The following AP3D1 variants were observed in gnomAD, a reference collection of about 807,000 sequenced individuals.
AP3D1 encodes the protein adaptor related protein complex 3 subunit delta 1, also known as AP-3 complex subunit delta-1.
Under a neutral mutation model 147.6 loss-of-function variants are expected in AP3D1, and 51 were observed. The observed-to-expected ratio is 0.35, with a 90% CI of 0.28 to 0.44. The LOEUF is 0.44. Among genes scored for constraint, AP3D1 ranks in the 20% least tolerant of loss-of-function variants. AP3D1 has a pLI of 1.00. For missense variants in AP3D1, 1,421 were observed against 1,624.2 expected (o/e 0.87, Z 2.15); for synonymous variants, 760 against 663.0 (o/e 1.15, Z -2.25).
chr19:2,103,607 G>A lies in AP3D1; in HGVS notation c.3553-1339C>T, dbSNP rs1002414980. ...GGCACTGAGTCCAGAGGCCGCTGCCGGGTCCCAAGGCCAGGGACAAGAGGC... is the reference window on the plus strand; with the variant it reads ...GGCACTGAGTCCAGAGGCCGCTGCCAGGTCCCAAGGCCAGGGACAAGAGGC... On this transcript the variant is annotated intron_variant, in intron 31 of 31. Transcript: ENST00000643116. 5.9e-5 allele frequency among the ~76,000 whole-genome samples: 9 copies of A among 152,160 alleles called. No homozygotes were observed. The East Asian group carries it at 9.6e-4, about 16-fold the overall frequency.
At chr19:2,158,345 C>T (rs140889802) in intron 1 of AP3D1, among the ~76,000 whole-genome samples, 49 of 150,238 alleles carry the variant, frequency 3.3e-4, no homozygotes, top group African/African-American at 1.1e-3. Context: ...CATGAGCCAA[C>T]GTGCTCGACC....
intron 4 of AP3D1, among the ~76,000 whole-genome samples, chr19:2,135,961 T>A (rs949688029): frequency 6.9e-6 from 1 of 145,244 alleles, no homozygotes; most frequent in Non-Finnish European, 1.5e-5. Context: ...AGGCCCCACC[T>A]GCTACACGGC....
intron 9 of AP3D1, among the ~76,000 whole-genome samples, chr19:2,126,514 C>T (rs187761894): frequency 6.6e-6 from 1 of 151,822 alleles, no homozygotes; most frequent in African/African-American, 2.4e-5. Flanking sequence ...ATTAGCCAGG[C>T]GTGGTGGCGG....
rs778906967 is a variant in AP3D1 at position 2,116,733 on chromosome 19, C to A, written c.1873G>T (p.Ala625Ser). ...TCCGAGAGTGGCTCATTGATCCAGG[C>A]GTCCAGGTCCAGGCTGCACCGGACA... The part of the protein sequence containing the change: ...VPVPEGLDLD[A>S]WINEPLSDSE... Residue 625 changes from alanine to serine, a missense_variant, in exon 17 of 32, where the codon GCC becomes TCC. By Grantham distance (99) the Ala-to-Ser change is moderately conservative. Coordinates refer to ENST00000643116, the MANE Select transcript of AP3D1 (RefSeq NM_001261826.3). 15 of 1,610,272 alleles carry A rather than the reference C, an allele frequency of 9.3e-6. No homozygotes were observed. The highest frequency in any genetic ancestry group is 8.8e-5 in the South Asian group (8 of 90,556).
intron 1 of AP3D1, 37 bp downstream of exon 1, chr19:2,151,202 G>C (rs915697392): frequency 4.4e-6 from 7 of 1,586,354 alleles, no homozygotes; most frequent in Non-Finnish European, 6.0e-6. Context: ...CCGGGGCTGT[G>C]ACCAGGCCGA....
intron 1 of AP3D1, among the ~76,000 whole-genome samples, chr19:2,144,590 G>C (rs2019309177): frequency 6.6e-6 from 1 of 152,100 alleles, no homozygotes; most frequent in Admixed American, 6.6e-5. Context: ...GATGTCTGTG[G>C]GGTGGCACGG....
chr19:2,102,733 AAATAAAT>A (rs1367088161), intron 31 of AP3D1, among the ~76,000 whole-genome samples: 3 of 880 alleles, frequency 3.4e-3, no homozygotes, highest in Admixed American at 0.017. Context: ...CTCAAAAAAT[AAATAAAT>A]AAATAAATAA....
chr19:2,113,385 G>A lies in AP3D1; in HGVS notation c.2630C>T (p.Thr877Ile). Reference protein sequence around the residue: ...KAEDLDFWLSTTPPPAPAPAP... With the variant: ...KAEDLDFWLSITPPPAPAPAP... ...GGGGGCGGGGGCAGGCGGTGGGGTG[G>A]TAGACAGCCAGAAGTCCAGGTCCTC... Residue 877 changes from threonine (T) to isoleucine (I), a missense_variant, in exon 23 of 32, where the codon ACC becomes ATC. Coordinates refer to ENST00000643116, the MANE Select transcript of AP3D1 (RefSeq NM_001261826.3). 1 of 1,472,622 alleles carries A rather than the reference G, an allele frequency of 6.8e-7. No homozygotes were observed. Among genetic ancestry groups the A allele is most frequent in the Non-Finnish European group, 9.0e-7 (1 of 1,115,560 alleles). 91.2% of individuals were successfully genotyped at this position (1,472,622 alleles called of 1,614,324 possible).
upstream of AP3D1, among the ~76,000 whole-genome samples, chr19:2,155,627 T>C (rs1325779390): frequency 7.9e-5 from 12 of 152,110 alleles, no homozygotes; most frequent in Admixed American, 7.2e-4. Flanking sequence ...ACACTGTGTT[T>C]TCTACCTAGC....
chr19:2,141,970 A>G (rs1599489742), intron 1 of AP3D1, among the ~76,000 whole-genome samples: 1 of 149,788 alleles, frequency 6.7e-6, no homozygotes, highest in East Asian at 1.9e-4. Flanking sequence ...ATTTATGTAT[A>G]TACTTGTTTA....
chr19:2,116,369 T>C, intron 17 of AP3D1, 91 bp from the exon 18 acceptor site: 1 of 1,406,380 alleles, frequency 7.1e-7, no homozygotes, highest in Non-Finnish European at 9.6e-7. Flanking sequence ...TGGGGAAGGC[T>C]GGATCTCTGG....
intron 29 of AP3D1, 147 bp from the exon 30 acceptor site, chr19:2,109,354 G>A: frequency 1.8e-6 from 2 of 1,112,390 alleles, no homozygotes; most frequent in South Asian, 1.7e-5. Context: ...CCTGGAAGGT[G>A]TGGCTCATTT....
chr19:2,108,792 C>T (rs1285796812), intron 30 of AP3D1, 26 bp from the exon 31 acceptor site: 1 of 1,553,222 alleles, frequency 6.4e-7, no homozygotes, highest in Non-Finnish European at 8.7e-7. Context: ...CAGTGTTAGG[C>T]TTCCCGGACA....
chr19:2,115,373 C>T lies in AP3D1; in HGVS notation c.2195G>A (p.Arg732Gln), dbSNP rs763400679. The change falls in exon 20 of 32, where the codon CGG (arginine) becomes CAG (glutamine). Residue 732 changes from arginine (R) to glutamine (Q), a missense_variant. This residue lies in a region of AP3D1 where 791 missense variants were observed against 761.4 expected (regional missense o/e 1.04). Transcript: ENST00000643116. Reference sequence around the variant, plus strand: ...GTCCTTCTCCAGCTTCTGCCGGTGCCGCCGCTCCTCCTCCAGCTTCACATA... The same window carrying T: ...GTCCTTCTCCAGCTTCTGCCGGTGCTGCCGCTCCTCCTCCAGCTTCACATA... ...DQYVKLEEER[R>Q]HRQKLEKDKR... 17 of 1,606,846 alleles carry T rather than the reference C, an allele frequency of 1.1e-5. No individual in the cohort carries two copies. Among genetic ancestry groups the T allele is most frequent in the Non-Finnish European group, 9.3e-6 (11 of 1,179,890 alleles).
Position 2,116,758 on chromosome 19 carries a change from A to G in AP3D1, c.1860-12T>C. ...CGTCCAGGTCCAGGCTGCACCGGAC[A>G]GGAGGGCCACACAAGGCAGTGTGTG... On this transcript the variant is annotated splice_polypyrimidine_tract_variant and intron_variant, in intron 16 of 31. Coordinates refer to ENST00000643116, the MANE Select transcript of AP3D1 (RefSeq NM_001261826.3). The G allele has an allele frequency of 6.2e-7, 1 of 1,601,978 alleles. No homozygotes were observed. The highest frequency in any genetic ancestry group is 1.1e-5 in the South Asian group (1 of 89,824).
At chr19:2,164,603 G>T, upstream of AP3D1, 1 of 155,274 alleles carries the variant, frequency 6.4e-6, no homozygotes, top group Non-Finnish European at 1.2e-5. Context: ...CGCCCGCCCC[G>T]CTCGTTCCCG....
chr19:2,151,354 T>C lies in AP3D1; in HGVS notation c.-20A>G, dbSNP rs770680912. On this transcript the variant is annotated 5_prime_UTR_variant, in exon 1 of 32. Transcript: ENST00000643116. ...GGCCATCGCGGCGGCCCACGGGCTTTTGCCTCGGGAGGCCCGCGGCTGGGC... is the reference window on the plus strand; with the variant it reads ...GGCCATCGCGGCGGCCCACGGGCTTCTGCCTCGGGAGGCCCGCGGCTGGGC... 4 of 1,529,156 alleles carry C rather than the reference T, an allele frequency of 2.6e-6. No homozygotes were observed. Among genetic ancestry groups the C allele is most frequent in the South Asian group, 1.2e-5 (1 of 82,744 alleles). 94.7% of individuals were successfully genotyped at this position (1,529,156 alleles called of 1,614,324 possible).
chr19:2,152,282 C>T (rs1394352215), upstream of AP3D1, among the ~76,000 whole-genome samples: 1 of 152,194 alleles, frequency 6.6e-6, no homozygotes, highest in Non-Finnish European at 1.5e-5. Context: ...TGGCTCACGC[C>T]TGTAATCCCA....
intron 1 of AP3D1, among the ~76,000 whole-genome samples, chr19:2,145,445 G>A (rs560871580): frequency 6.6e-5 from 10 of 152,126 alleles, no homozygotes; most frequent in Admixed American, 2.0e-4. Flanking sequence ...GACACTGGGC[G>A]ATGTATGCAG....
Sources: gnomAD v4.1 joint callset for allele counts (sites outside exome capture counted in the v4.1 genomes callset) on GRCh38, gnomAD v4.1.1 for gene constraint, gnomAD v4.1.1 regional missense constraint, MANE v1.5 for transcripts, NCBI Gene and HGNC (gene_info 2026-07-23, HGNC 2026-07-21) for gene names.